The following PCDH11Y variants were observed in gnomAD, a reference collection of about 807,000 sequenced individuals.
PCDH11Y encodes the protein protocadherin 11 Y-linked, also known as protocadherin-11 Y-linked.
For synonymous variants in PCDH11Y, 9 were observed against 83.6 expected, an observed-to-expected ratio of 0.11 and a Z score of 4.87; for missense variants, 12 against 224.8, an observed-to-expected ratio of 0.05 and a Z score of 6.05.
chrY:5,552,034 A>C, intron 3 of PCDH11Y, among the ~76,000 whole-genome samples: 3 of 33,322 alleles, frequency 9.0e-5, no homozygotes, highest in African/African-American at 3.5e-4. Flanking sequence ...GTCTTTTGCT[A>C]TAGTGCCTAA....
At chrY:5,566,481 G>T in intron 3 of PCDH11Y, among the ~76,000 whole-genome samples, 2 of 32,352 alleles carry the variant, frequency 6.2e-5, no homozygotes, top group South Asian at 1.4e-3. Context: ...GACTTATGTG[G>T]AATTATAATT....
At chrY:5,476,430 TAAAAAAAAAAAAAAAAAAA>T in intron 2 of PCDH11Y, among the ~76,000 whole-genome samples, 1 of 385 alleles carries the variant, frequency 2.6e-3, no homozygotes, top group African/African-American at 0.015. Flanking sequence ...GACCCTTTCT[TAAAAAAAAAAAAAAAAAAA>T]AAAAAAAAAA....
intron 2 of PCDH11Y, among the ~76,000 whole-genome samples, chrY:5,392,726 A>G: frequency 3.0e-5 from 1 of 33,304 alleles, no homozygotes; most frequent in East Asian, 8.0e-4. Flanking sequence ...TATAGAATAT[A>G]GTTAGTGATA....
At chrY:5,166,069 C>A in intron 2 of PCDH11Y, among the ~76,000 whole-genome samples, 1 of 32,368 alleles carries the variant, frequency 3.1e-5, no homozygotes, top group Admixed American at 2.8e-4. Flanking sequence ...TAAAACCTTC[C>A]CACAAAGGCG....
chrY:5,496,012 T>C, intron 2 of PCDH11Y, among the ~76,000 whole-genome samples: 1 of 32,580 alleles, frequency 3.1e-5, no homozygotes, highest in African/African-American at 1.2e-4. Context: ...TAGGGAGAGG[T>C]ATCCTGTGCT....
chrY:5,452,618 G>A lies in PCDH11Y; in HGVS notation c.3130-48439G>A. 1.2e-4 allele frequency among the ~76,000 whole-genome samples: 4 copies of A among 33,793 alleles called. No individual in the cohort carries two copies. The East Asian group carries it at 3.1e-3, about 26-fold the overall frequency. The allele number at this position is 33,793 out of a possible 37,273, so 90.7% of individuals were successfully genotyped here. A position where few individuals can be genotyped will look rare whatever the true frequency, so the allele number is the denominator to read the frequency against. The stretch of plus-strand genomic sequence containing the variant: ...AAAGTTCATTCTTTTCCAAATGTTG[G>A]AAGCATTTCACCACATAATACTGTT... On this transcript the variant is annotated intron_variant, in intron 2 of 4. Transcript: ENST00000400457.
At chrY:5,237,058 C>A (rs2052976163) in intron 2 of PCDH11Y, among the ~76,000 whole-genome samples, 1 of 33,037 alleles carries the variant, frequency 3.0e-5, no homozygotes, top group African/African-American at 1.2e-4. Context: ...TTTAAAAGTA[C>A]TTTTTGCAAG....
chrY:5,084,570 TC>T (rs2052726425), intron 1 of PCDH11Y, among the ~76,000 whole-genome samples: 35 of 28,188 alleles, frequency 1.2e-3, no homozygotes, highest in African/African-American at 4.4e-3. Flanking sequence ...TTGTTGATTT[TC>T]TGTTGGGAAG....
At chrY:5,726,047 C>T (rs1602964591) in intron 4 of PCDH11Y, among the ~76,000 whole-genome samples, 5 of 32,844 alleles carry the variant, frequency 1.5e-4, no homozygotes, top group African/African-American at 5.9e-4. Flanking sequence ...CAAATAATAA[C>T]GAATCTTGGT....
At chrY:5,474,643 A>C in intron 2 of PCDH11Y, among the ~76,000 whole-genome samples, 3 of 32,701 alleles carry the variant, frequency 9.2e-5, no homozygotes, top group Admixed American at 8.4e-4. Flanking sequence ...GATTGTTTTC[A>C]CTATTGCAGT....
chrY:5,354,582 C>T (rs2053163729), intron 2 of PCDH11Y, among the ~76,000 whole-genome samples: 2 of 32,540 alleles, frequency 6.1e-5, no homozygotes, highest in African/African-American at 1.2e-4. Context: ...CACACACACA[C>T]GCACACGCAC....
At chrY:5,023,808 CCT>C (rs2052574467) in intron 1 of PCDH11Y, among the ~76,000 whole-genome samples, 1 of 32,796 alleles carries the variant, frequency 3.0e-5, no homozygotes, top group Admixed American at 2.8e-4. Flanking sequence ...TTTTGGATCC[CCT>C]GTTTCCTGCT....
intron 2 of PCDH11Y, among the ~76,000 whole-genome samples, chrY:5,361,020 A>G: frequency 3.0e-5 from 1 of 32,810 alleles, no homozygotes; most frequent in South Asian, 7.0e-4. Context: ...TCAGGAGATA[A>G]GAATAATTTT....
At chrY:5,683,483 G>T (rs2124709801) in intron 4 of PCDH11Y, among the ~76,000 whole-genome samples, 1 of 33,190 alleles carries the variant, frequency 3.0e-5, no homozygotes, top group Non-Finnish European at 7.5e-5. Context: ...AATGTATATG[G>T]TTTATCAAAA....
chrY:5,646,596 C>T (rs2053527408), intron 4 of PCDH11Y, among the ~76,000 whole-genome samples: 1 of 31,153 alleles, frequency 3.2e-5, no homozygotes, highest in African/African-American at 1.3e-4. Flanking sequence ...CAAAACATCT[C>T]AGGTACCCCA....
intron 2 of PCDH11Y, among the ~76,000 whole-genome samples, chrY:5,299,477 G>A (rs1602900908): frequency 3.4e-5 from 1 of 29,505 alleles, no homozygotes; most frequent in Non-Finnish European, 8.0e-5. Flanking sequence ...TTATTCCATC[G>A]CTCAAAATTC....
intron 2 of PCDH11Y, among the ~76,000 whole-genome samples, chrY:5,392,528 A>C: frequency 3.0e-5 from 1 of 33,185 alleles, no homozygotes; most frequent in East Asian, 7.9e-4. Context: ...AATAAGATTT[A>C]TTTTAGTAAT....
chrY:5,384,539 A>G, intron 2 of PCDH11Y, among the ~76,000 whole-genome samples: 1 of 31,271 alleles, frequency 3.2e-5, no homozygotes, highest in African/African-American at 1.3e-4. Context: ...TATAAAGGGA[A>G]ATTTTCTAGA....
At chrY:5,401,754 ATT>A in intron 2 of PCDH11Y, among the ~76,000 whole-genome samples, 1 of 32,400 alleles carries the variant, frequency 3.1e-5, no homozygotes, top group South Asian at 7.1e-4. Flanking sequence ...AATACCTCTC[ATT>A]CAGTATCCAC....
Sources: gnomAD v4.1 joint callset for allele counts (sites outside exome capture counted in the v4.1 genomes callset) on GRCh38, gnomAD v4.1.1 for gene constraint, MANE v1.5 for transcripts, NCBI Gene and HGNC (gene_info 2026-07-23, HGNC 2026-07-21) for gene names.